PPP2R2B: variants seen among roughly 807,000 people sequenced by gnomAD.
The protein encoded by PPP2R2B is protein phosphatase 2 regulatory subunit Bbeta.
In PPP2R2B, 5 loss-of-function variants were observed where a neutral mutation model predicts 46.0. The ratio of observed to expected loss-of-function variants is 0.11; its 90% CI spans 0.06 to 0.23. PPP2R2B has a LOEUF of 0.23. Ranked by LOEUF, PPP2R2B falls within the 10% of genes least tolerant of loss-of-function variation. The probability of loss-of-function intolerance (pLI) is 1.00; values close to 1 mark genes in which losing one functional copy is unlikely to be tolerated. For missense variants in PPP2R2B, 367 were observed against 575.0 expected (o/e 0.64, Z 3.70); for synonymous variants, 215 against 206.7 (o/e 1.04, Z -0.34).
chr5:146,709,906 G>A (rs1441224460), intron 2 of PPP2R2B, among the ~76,000 whole-genome samples: 1 of 152,062 alleles, frequency 6.6e-6, no homozygotes, highest in Non-Finnish European at 1.5e-5. Context: ...TTCCATCTTT[G>A]TTTTCCTTAT....
intron 2 of PPP2R2B, among the ~76,000 whole-genome samples, chr5:146,812,819 A>G (rs1176672372): frequency 2.4e-4 from 19 of 80,324 alleles, no homozygotes; most frequent in African/African-American, 3.0e-4. Flanking sequence ...ATATATATAT[A>G]TATATATATA....
intron 2 of PPP2R2B, among the ~76,000 whole-genome samples, chr5:146,815,553 C>T (rs1436468324): frequency 6.6e-6 from 1 of 152,228 alleles, no homozygotes; most frequent in Non-Finnish European, 1.5e-5. Context: ...AAGTGAAATA[C>T]TTAAGAGGAA....
In PPP2R2B at chr5:146,680,414, A is replaced by T. The variant is rs144489693; in HGVS notation, c.447+10714T>A. ...CTGTTGTGGGGTGGGGTGGGGAGGG[A>T]GGGATAGCATTGGGAGATATACCTA... On this transcript the variant is annotated intron_variant, in intron 5 of 9. Coordinates refer to ENST00000394411, the MANE Select transcript of PPP2R2B (RefSeq NM_181675.4). 3.5e-3 allele frequency among the ~76,000 whole-genome samples: 488 copies of T among 137,510 alleles called. 2 individuals are homozygous for T. The highest frequency in any genetic ancestry group is 5.6e-3 in the Admixed American group (78 of 14,046). 90.2% of individuals were successfully genotyped at this position (137,510 alleles called of 152,430 possible).
At chr5:146,928,975 C>T (rs1763879957) in intron 1 of PPP2R2B, among the ~76,000 whole-genome samples, 1 of 152,188 alleles carries the variant, frequency 6.6e-6, no homozygotes, top group African/African-American at 2.4e-5. Flanking sequence ...GGAGCCTTTG[C>T]ATTGGCTATT....
chr5:146,759,781 G>C (rs1754049267), intron 2 of PPP2R2B, among the ~76,000 whole-genome samples: 1 of 151,636 alleles, frequency 6.6e-6, no homozygotes, highest in African/African-American at 2.4e-5. Context: ...ATTTGTGACG[G>C]AGGGTATAAG....
chr5:146,974,762 T>C (rs1174648516), intron 1 of PPP2R2B, among the ~76,000 whole-genome samples: 1 of 150,608 alleles, frequency 6.6e-6, no homozygotes, highest in Non-Finnish European at 1.5e-5. Context: ...CAATCTCAGC[T>C]CACTGCAAGC....
At chr5:146,707,220 C>T in intron 2 of PPP2R2B, 3 of 1,577,684 alleles carry the variant, frequency 1.9e-6, no homozygotes, top group Non-Finnish European at 2.6e-6. Context: ...TGCTCCCAGC[C>T]GTCTTCTGCT....
chr5:146,847,057 G>A lies in PPP2R2B; in HGVS notation c.70+30945C>T, dbSNP rs1760053094. 2.6e-5 allele frequency among the ~76,000 whole-genome samples: 4 copies of A among 152,152 alleles called. No homozygotes were observed. The South Asian group carries it at 8.3e-4, about 32-fold the overall frequency. On this transcript the variant is annotated intron_variant, in intron 2 of 9. Transcript: ENST00000394411. ...TTTTAGAATCATTATTTACACTACT[G>A]TTCAAATCCTTTAATTCTACTTCCA...
At chr5:146,596,966 C>A (rs1057419154) in intron 8 of PPP2R2B, among the ~76,000 whole-genome samples, 9 of 152,196 alleles carry the variant, frequency 5.9e-5, no homozygotes, top group African/African-American at 1.7e-4. Flanking sequence ...ATTTGGATCT[C>A]CTCTGAAGAC....
At chr5:146,787,719 C>T (rs913145312) in intron 2 of PPP2R2B, among the ~76,000 whole-genome samples, 8 of 152,090 alleles carry the variant, frequency 5.3e-5, no homozygotes, top group African/African-American at 1.9e-4. Flanking sequence ...AGGCGCACAC[C>T]ACTATGCCTG....
intron 2 of PPP2R2B, among the ~76,000 whole-genome samples, chr5:146,739,525 G>A (rs553111755): frequency 5.9e-5 from 9 of 152,138 alleles, no homozygotes; most frequent in Non-Finnish European, 1.0e-4. Flanking sequence ...TCAATGAGAC[G>A]GAAGCATGGA....
At chr5:146,761,873 A>C (rs1453162550) in intron 2 of PPP2R2B, among the ~76,000 whole-genome samples, 1 of 152,200 alleles carries the variant, frequency 6.6e-6, no homozygotes, top group African/African-American at 2.4e-5. Context: ...AGGGATAAAA[A>C]AAGATGGGAC....
At chr5:146,771,943 G>A (rs1346208868) in intron 2 of PPP2R2B, among the ~76,000 whole-genome samples, 2 of 152,134 alleles carry the variant, frequency 1.3e-5, no homozygotes, top group Admixed American at 6.6e-5. Flanking sequence ...TACCTTCAGA[G>A]ATACAAATTC....
At chr5:146,924,357 A>G (rs1763710649) in intron 1 of PPP2R2B, among the ~76,000 whole-genome samples, 1 of 152,214 alleles carries the variant, frequency 6.6e-6, no homozygotes, top group African/African-American at 2.4e-5. Context: ...ACAGGTTTCA[A>G]TGCAAAACCA....
intron 1 of PPP2R2B, among the ~76,000 whole-genome samples, chr5:146,946,073 G>A (rs1018521060): frequency 6.6e-6 from 1 of 152,158 alleles, no homozygotes; most frequent in Non-Finnish European, 1.5e-5. Context: ...CGTTAGTCAT[G>A]TGGATTCTAT....
At chr5:146,619,004 GT>G (rs767812562) in intron 7 of PPP2R2B, among the ~76,000 whole-genome samples, 2 of 152,142 alleles carry the variant, frequency 1.3e-5, no homozygotes, top group Non-Finnish European at 2.9e-5. Flanking sequence ...CCTTGTCCTG[GT>G]TCAGGGGCTC....
intron 2 of PPP2R2B, among the ~76,000 whole-genome samples, chr5:146,819,822 T>G (rs1758150012): frequency 6.6e-6 from 1 of 152,220 alleles, no homozygotes; most frequent in South Asian, 2.1e-4. Flanking sequence ...ACTCCCATGT[T>G]TACTGCAACT....
upstream of PPP2R2B, chr5:146,878,800 T>C: frequency 7.8e-7 from 1 of 1,274,146 alleles, no homozygotes. The surrounding 1 kb of genome is among the most constrained non-coding windows in gnomAD (Gnocchi z 4.5). Context: ...GCGAGGCTCC[T>C]CCCAACCGCG....
chr5:146,912,088 A>G (rs2151806309), intron 1 of PPP2R2B, among the ~76,000 whole-genome samples: 1 of 152,122 alleles, frequency 6.6e-6, no homozygotes, highest in Middle Eastern at 3.4e-3. Context: ...AATACAAAAA[A>G]GTTAGCCGGG....
Sources: gnomAD v4.1 joint callset for allele counts (sites outside exome capture counted in the v4.1 genomes callset) on GRCh38, gnomAD v4.1.1 for gene constraint, Gnocchi (gnomAD v3.1) non-coding constraint, MANE v1.5 for transcripts, NCBI Gene and HGNC (gene_info 2026-07-23, HGNC 2026-07-21) for gene names.